The following UNC5D variants were observed in gnomAD, a reference collection of about 807,000 sequenced individuals.
UNC5D encodes unc-5 netrin receptor D, also known as netrin receptor UNC5D.
UNC5D carries 39 observed loss-of-function variants against 105.4 expected under a neutral mutation model. The ratio of observed to expected loss-of-function variants is 0.37; its 90% CI spans 0.29 to 0.48. UNC5D has a LOEUF of 0.48. Among genes scored for constraint, UNC5D ranks in the 20% least tolerant of loss-of-function variants. The pLI, the probability that UNC5D is intolerant of heterozygous loss-of-function variation, is 0.98. For missense variants in UNC5D, 991 were observed against 1,202.4 expected, an observed-to-expected ratio of 0.82 and a Z score of 2.60; for synonymous variants, 452 against 450.4, an observed-to-expected ratio of 1.00 and a Z score of -0.04.
intron 1 of UNC5D, among the ~76,000 whole-genome samples, chr8:35,449,468 C>G (rs772135052): frequency 6.6e-6 from 1 of 152,270 alleles, no homozygotes; most frequent in Admixed American, 6.5e-5. Context: ...CCGCCCCATG[C>G]ATTTAGCATC....
At chr8:35,525,478 CCTT>C (rs1186866971) in intron 1 of UNC5D, 29 of 1,612,316 alleles carry the variant, frequency 1.8e-5, no homozygotes, top group South Asian at 3.3e-5. Context: ...AGCTTCTCCT[CCTT>C]CTCTGTCCGT....
At chr8:35,574,404 C>T (rs1817954983) in intron 3 of UNC5D, among the ~76,000 whole-genome samples, 1 of 152,092 alleles carries the variant, frequency 6.6e-6, no homozygotes, top group South Asian at 2.1e-4. Flanking sequence ...TGTGATACAT[C>T]CTGAATATAA....
At position 35,705,089 on chromosome 8, in the gene UNC5D, C is replaced by T. The variant is rs532762354; in HGVS notation, c.1085-840C>T. Among the ~76,000 whole-genome samples the T allele has an allele frequency of 9.9e-5, 15 of 152,068 alleles. 1 individual carries two copies. The highest frequency in any genetic ancestry group is 2.1e-4 in the South Asian group (1 of 4,804). ...AAGCCATTCTCCTGCCTCAGCCTCC[C>T]GCGTAGCTGGGACTACAGGCGCCTG... On this transcript the variant is annotated intron_variant, in intron 7 of 16. Coordinates refer to ENST00000404895, the MANE Select transcript of UNC5D (RefSeq NM_080872.4).
At chr8:35,575,201 A>T (rs1818005518) in intron 3 of UNC5D, among the ~76,000 whole-genome samples, 1 of 152,002 alleles carries the variant, frequency 6.6e-6, no homozygotes, top group Non-Finnish European at 1.5e-5. Flanking sequence ...GTTAGATCGT[A>T]AACTGCTTGA....
intron 4 of UNC5D, among the ~76,000 whole-genome samples, chr8:35,641,386 G>GAAAAAAAAAAAAAAAAAAAAA (rs1209560462): frequency 1.2e-4 from 11 of 91,830 alleles, no homozygotes; most frequent in Non-Finnish European, 2.3e-4. Context: ...AAAAAAAAAA[G>GAAAAAAAAAAAAAAAAAAAAA]AAAAAAAAAA....
chr8:35,595,468 T>G (rs1188215134), intron 3 of UNC5D, 86 bp from the exon 4 acceptor site: 2 of 1,128,356 alleles, frequency 1.8e-6, no homozygotes, highest in African/African-American at 3.0e-5. Flanking sequence ...GGTTGTGATA[T>G]TAAGCTCACT....
intron 4 of UNC5D, among the ~76,000 whole-genome samples, chr8:35,627,635 A>C (rs950442114): frequency 1.3e-5 from 2 of 152,186 alleles, no homozygotes; most frequent in Non-Finnish European, 2.9e-5. Context: ...GTTTTTAAAA[A>C]GAATAAAACT....
Position 35,732,841 on chromosome 8 carries a change from A to G in UNC5D, c.1766+1745A>G, listed in dbSNP as rs75429284. On this transcript the variant is annotated intron_variant, in intron 11 of 16. Transcript: ENST00000404895. The stretch of plus-strand genomic sequence containing the variant: ...AGGGCAATTTCGCATTTTCCAAGGC[A>G]CCTCATTTACAACTTACCTGCAATT... Among the ~76,000 whole-genome samples, 575 of 152,190 alleles carry G rather than the reference A, an allele frequency of 3.8e-3. 6 individuals carry two copies. Among genetic ancestry groups the G allele is most frequent in the African/African-American group, 0.013 (545 of 41,526 alleles).
chr8:35,286,016 C>A (rs796638444), intron 1 of UNC5D, among the ~76,000 whole-genome samples: 1 of 151,968 alleles, frequency 6.6e-6, no homozygotes, highest in Non-Finnish European at 1.5e-5. Context: ...AATATAGTAA[C>A]GATTTATGAG....
rs191187020 is a variant in UNC5D, at chr8:35,595,784, C to T, written c.570+127C>T. The stretch of plus-strand genomic sequence containing the variant: ...GTCTGGGATTCTTGTTGCCTGGGCT[C>T]AGTTGCTAAACACGGTGAAGAAATT... On this transcript the variant is annotated intron_variant, in intron 4 of 16. Coordinates refer to ENST00000404895, the MANE Select transcript of UNC5D (RefSeq NM_080872.4). 47 of 744,876 alleles carry T rather than the reference C, an allele frequency of 6.3e-5. No individual in the cohort carries two copies. The East Asian group carries it at 8.2e-4, about 13-fold the overall frequency. The allele number at this position is 744,876 out of a possible 1,614,324, so 46.1% of individuals were successfully genotyped here.
intron 1 of UNC5D, among the ~76,000 whole-genome samples, chr8:35,372,868 C>G (rs566967416): frequency 1.3e-5 from 2 of 152,302 alleles, no homozygotes; most frequent in East Asian, 1.9e-4. Flanking sequence ...TCCCAAAGTA[C>G]TGGGATTACA....
chr8:35,624,107 A>AT (rs1248007838), intron 4 of UNC5D, among the ~76,000 whole-genome samples: 4 of 152,074 alleles, frequency 2.6e-5, no homozygotes, highest in Admixed American at 6.5e-5. Context: ...CATTAGTCTT[A>AT]TTTTTCCTGT....
intron 1 of UNC5D, among the ~76,000 whole-genome samples, chr8:35,514,543 C>T (rs543258125): frequency 3.9e-5 from 6 of 152,228 alleles, no homozygotes; most frequent in African/African-American, 1.2e-4. Context: ...AATTAGGTAA[C>T]GATAGAAAAT....
At chr8:35,292,142 A>G (rs953023061) in intron 1 of UNC5D, among the ~76,000 whole-genome samples, 2 of 152,218 alleles carry the variant, frequency 1.3e-5, no homozygotes, top group African/African-American at 4.8e-5. Context: ...CTCAAGCCCC[A>G]AATCCCTTTG....
In UNC5D at chr8:35,435,448, G is replaced by A. The variant is rs539504630; in HGVS notation, c.104-113844G>A. Among the ~76,000 whole-genome samples the A allele has an allele frequency of 2.0e-5, 3 of 152,202 alleles. No homozygotes were observed. The East Asian group carries it at 5.8e-4, about 29-fold the overall frequency. On this transcript the variant is annotated intron_variant, in intron 1 of 16. Transcript: ENST00000404895. The stretch of plus-strand genomic sequence containing the variant: ...AATGTACTAACTTAGTAATACAGAA[G>A]TGCTACAGTTTCTAAGAACTAGTAA...
In UNC5D at chr8:35,423,368, T is replaced by C. The variant is rs571519615; in HGVS notation, c.104-125924T>C. On this transcript the variant is annotated intron_variant, in intron 1 of 16. Transcript: ENST00000404895. ...CCAGCATTGTTCATGACATCTTCCC[T>C]CTCTGAAATGTCCTCCTCCTTCCTG... is the stretch of plus-strand genomic sequence containing the variant. 5.3e-5 allele frequency among the ~76,000 whole-genome samples: 8 copies of C among 152,246 alleles called. No homozygotes were observed. In the South Asian group the frequency reaches 1.5e-3, roughly 28 times the overall value.
intron 1 of UNC5D, among the ~76,000 whole-genome samples, chr8:35,529,398 A>T (rs1814157123): frequency 6.8e-6 from 1 of 147,664 alleles, no homozygotes; most frequent in Non-Finnish European, 1.5e-5. Flanking sequence ...GTTCTGTTCC[A>T]TTGATCTATA....
At chr8:35,381,128 A>C (rs181118146) in intron 1 of UNC5D, among the ~76,000 whole-genome samples, 2 of 152,282 alleles carry the variant, frequency 1.3e-5, no homozygotes, top group Admixed American at 1.3e-4. Context: ...AGTTAAATAT[A>C]TAAGGCAGTC....
At chr8:35,536,604 G>T (rs1436511149) in intron 1 of UNC5D, among the ~76,000 whole-genome samples, 2 of 152,046 alleles carry the variant, frequency 1.3e-5, no homozygotes, top group African/African-American at 4.8e-5. Flanking sequence ...AAATTCTTTT[G>T]CATTTGGGAT....
Sources: allele counts gnomAD v4.1 joint callset (sites outside exome capture counted in the v4.1 genomes callset), GRCh38; gene constraint gnomAD v4.1.1; transcripts MANE v1.5; gene names NCBI Gene and HGNC (gene_info 2026-07-23, HGNC 2026-07-21).